Variants in TACR1 observed in about 807,000 individuals in gnomAD.
TACR1 encodes tachykinin receptor 1.
TACR1 carries 25 observed loss-of-function variants against 35.8 expected under a neutral mutation model. The ratio of observed to expected loss-of-function variants is 0.70; its 90% CI spans 0.51 to 0.98. The LOEUF (loss-of-function observed/expected upper bound fraction) is 0.98, where lower values mean the gene tolerates loss of function less well. Among genes scored for constraint, TACR1 ranks in the 50% least tolerant of loss-of-function variants. The pLI, the probability that TACR1 is intolerant of heterozygous loss-of-function variation, is 0.00. For synonymous variants in TACR1, 195 were observed against 206.7 expected (o/e 0.94, Z 0.48); for missense variants, 478 against 522.9 (o/e 0.91, Z 0.84).
chr2:75,177,859 T>C (rs544291662), intron 1 of TACR1, among the ~76,000 whole-genome samples: 9 of 152,326 alleles, frequency 5.9e-5, no homozygotes, highest in African/African-American at 1.9e-4. Flanking sequence ...AATCCCCAAA[T>C]ATTTCTGTAG....
intron 2 of TACR1, among the ~76,000 whole-genome samples, chr2:75,098,286 TTTTTACCCAAACATAACATGAGCA>T (rs1429607565): frequency 6.6e-6 from 1 of 152,168 alleles, no homozygotes; most frequent in Admixed American, 6.5e-5. Flanking sequence ...CTGTTTCCTT[TTTTTACCCAAACATAACATGAGCA>T]TTTTCTCATG....
chr2:75,068,392 G>A (rs1672809908), intron 2 of TACR1, among the ~76,000 whole-genome samples: 2 of 152,162 alleles, frequency 1.3e-5, no homozygotes, highest in South Asian at 4.1e-4. Context: ...TACCTTCACA[G>A]CAACATATGG....
At chr2:75,175,682 G>A (rs1675395157) in intron 1 of TACR1, among the ~76,000 whole-genome samples, 1 of 152,034 alleles carries the variant, frequency 6.6e-6, no homozygotes, top group South Asian at 2.1e-4. Flanking sequence ...GGCTGCTTGT[G>A]ATTACATTGA....
At chr2:75,168,898 C>T (rs1162973640) in intron 1 of TACR1, among the ~76,000 whole-genome samples, 4 of 152,114 alleles carry the variant, frequency 2.6e-5, no homozygotes, top group Admixed American at 6.5e-5. Flanking sequence ...GAGACTTTTT[C>T]CCCTACTTGA....
chr2:75,174,739 G>A (rs530545907), intron 1 of TACR1, among the ~76,000 whole-genome samples: 1 of 152,294 alleles, frequency 6.6e-6, no homozygotes, highest in Non-Finnish European at 1.5e-5. Context: ...AGTGAAAGGA[G>A]AATCACTTCT....
intron 1 of TACR1, among the ~76,000 whole-genome samples, chr2:75,153,118 G>T (rs1416150472): frequency 6.6e-6 from 1 of 152,184 alleles, no homozygotes; most frequent in African/African-American, 2.4e-5. Flanking sequence ...GGCCAGGCTA[G>T]TCTTGAACTC....
intron 2 of TACR1, among the ~76,000 whole-genome samples, chr2:75,094,974 C>T (rs985562191): frequency 1.3e-5 from 2 of 151,042 alleles, no homozygotes; most frequent in Non-Finnish European, 2.9e-5. Context: ...GATAGAGAAG[C>T]TACAGTAAGT....
In TACR1 at chr2:75,198,584, G is replaced by T. The variant is rs1466948806; in HGVS notation, c.351C>A (p.Phe117Leu). 1.9e-6 allele frequency: 3 copies of T among 1,614,052 alleles called. No individual in the cohort carries two copies. The highest frequency in any genetic ancestry group is 1.6e-4 in the Middle Eastern group (1 of 6,084). ...FHNFFPIAAV[F>L]ASIYSMTAVA... Reference sequence around the variant, plus strand: ...CAGCCGTCATGGAGTAGATACTGGCGAAGACAGCGGCGATGGGAAAGAAGT... The same window carrying T: ...CAGCCGTCATGGAGTAGATACTGGCTAAGACAGCGGCGATGGGAAAGAAGT... Residue 117 changes from phenylalanine to leucine, a missense_variant, in exon 1 of 5, where the codon TTC becomes TTA. Transcript: ENST00000305249.
At chr2:75,080,391 A>G (rs982092558) in intron 2 of TACR1, among the ~76,000 whole-genome samples, 5 of 152,170 alleles carry the variant, frequency 3.3e-5, no homozygotes, top group African/African-American at 1.2e-4. Context: ...TTGAGCATCT[A>G]TCGCCATTGG....
At chr2:75,168,557 A>G (rs1675201427) in intron 1 of TACR1, among the ~76,000 whole-genome samples, 1 of 152,116 alleles carries the variant, frequency 6.6e-6, no homozygotes. Flanking sequence ...GCAAGGAAAC[A>G]TTCACCCCTA....
chr2:75,094,859 A>ATATATATATATATATATATATATATT, intron 2 of TACR1, among the ~76,000 whole-genome samples: 4 of 113,104 alleles, frequency 3.5e-5, no homozygotes, highest in African/African-American at 9.6e-5. Flanking sequence ...ATATATATAT[A>ATATATATATATATATATATATATATT]TTTTTTTTTT....
At chr2:75,131,994 G>T (rs942453032) in intron 1 of TACR1, among the ~76,000 whole-genome samples, 3 of 152,096 alleles carry the variant, frequency 2.0e-5, no homozygotes, top group Non-Finnish European at 4.4e-5. Context: ...AAAAGACATT[G>T]AAATTCATTT....
chr2:75,188,715 T>C (rs1157281714), intron 1 of TACR1: 1 of 152,126 alleles, frequency 6.6e-6, no homozygotes, highest in East Asian at 1.9e-4. Flanking sequence ...AATCATCCAG[T>C]TGGAGGATTC....
intron 1 of TACR1, among the ~76,000 whole-genome samples, chr2:75,127,269 T>C (rs1674091742): frequency 6.6e-6 from 1 of 152,206 alleles, no homozygotes; most frequent in Non-Finnish European, 1.5e-5. Context: ...AGCATCCTTA[T>C]CTATTCAGCT....
At chr2:75,189,330 C>T (rs563655920) in intron 1 of TACR1, 1 of 152,342 alleles carries the variant, frequency 6.6e-6, no homozygotes, top group African/African-American at 2.4e-5. Flanking sequence ...CCTCAGCTGC[C>T]TCTTACAGAG....
intron 2 of TACR1, among the ~76,000 whole-genome samples, chr2:75,062,195 C>T (rs1672685167): frequency 4.6e-5 from 7 of 152,068 alleles, no homozygotes; most frequent in Admixed American, 4.6e-4. Flanking sequence ...AGCCCGAGTG[C>T]CTGAGCTTTT....
At chr2:75,120,451 G>A in intron 2 of TACR1, 123 bp downstream of exon 2, 2 of 876,906 alleles carry the variant, frequency 2.3e-6, no homozygotes. Flanking sequence ...TGTGAGAAAT[G>A]CTTGCAGATA....
At chr2:75,103,078 T>A (rs1018643224) in intron 2 of TACR1, among the ~76,000 whole-genome samples, 1 of 152,186 alleles carries the variant, frequency 6.6e-6, no homozygotes, top group Non-Finnish European at 1.5e-5. Context: ...TTCATGTGGG[T>A]CGTATCTATC....
rs570115769 is a variant in TACR1, at chr2:75,095,083, G to A, written c.584+25491C>T. Among the ~76,000 whole-genome samples, 18 of 151,992 alleles carry A rather than the reference G, an allele frequency of 1.2e-4. No individual in the cohort carries two copies. The South Asian group carries it at 1.7e-3, about 14-fold the overall frequency. On this transcript the variant is annotated intron_variant, in intron 2 of 4. Coordinates refer to ENST00000305249, the MANE Select transcript of TACR1 (RefSeq NM_001058.4). ...TGATCCTCTCCATGAGGGCAAGGGCGGGGAATTGTGTCCCTTGGTTCTTCC... is the reference window on the plus strand; with the variant it reads ...TGATCCTCTCCATGAGGGCAAGGGCAGGGAATTGTGTCCCTTGGTTCTTCC...
Sources: gnomAD v4.1 joint callset for allele counts (sites outside exome capture counted in the v4.1 genomes callset) on GRCh38, gnomAD v4.1.1 for gene constraint, MANE v1.5 for transcripts, NCBI Gene and HGNC (gene_info 2026-07-23, HGNC 2026-07-21) for gene names.